Variants in TMEM132C observed in about 807,000 individuals in gnomAD.
The protein encoded by TMEM132C is protein phosphatase 1, regulatory subunit 152.
In TMEM132C, 29 loss-of-function variants were observed where a neutral mutation model predicts 61.4. That is an observed-to-expected ratio of 0.47 (90% CI 0.35 to 0.64). TMEM132C has a LOEUF of 0.64. Ranked by LOEUF, TMEM132C falls within the 30% of genes least tolerant of loss-of-function variation. The pLI is 0.00. For missense variants in TMEM132C, 1,408 were observed against 1,476.9 expected (o/e 0.95, Z 0.76); for synonymous variants, 656 against 633.1 (o/e 1.04, Z -0.54).
At chr12:128,616,365 G>A (rs960311166) in intron 4 of TMEM132C, 30 bp downstream of exon 4, 1 of 1,531,972 alleles carries the variant, frequency 6.5e-7, no homozygotes, top group African/African-American at 1.4e-5. Context: ...GGATGCTCCT[G>A]CATTCAGCCA....
At chr12:128,309,266 C>T (rs937172740) in intron 1 of TMEM132C, among the ~76,000 whole-genome samples, 7 of 152,200 alleles carry the variant, frequency 4.6e-5, no homozygotes, top group Non-Finnish European at 1.0e-4. Context: ...CTTCTTAGCT[C>T]TATGACACTT....
At chr12:128,602,803 G>A (rs912751181) in intron 3 of TMEM132C, among the ~76,000 whole-genome samples, 1 of 152,194 alleles carries the variant, frequency 6.6e-6, no homozygotes, top group Non-Finnish European at 1.5e-5. Flanking sequence ...GGCTTCCTCT[G>A]AGTTCCTCTC....
intron 2 of TMEM132C, among the ~76,000 whole-genome samples, chr12:128,420,088 T>G (rs550752963): frequency 6.6e-6 from 1 of 152,006 alleles, no homozygotes; most frequent in South Asian, 2.1e-4. Context: ...CCCAGCTACT[T>G]GGGAGGCTGA....
chr12:128,516,127 C>T lies in TMEM132C; in HGVS notation c.975-27830C>T, dbSNP rs927635819. On this transcript the variant is annotated intron_variant, in intron 2 of 8. Transcript: ENST00000435159. ...AACAAGTAGGGTCCGCACTGAGACC[C>T]TTCCTCCTCTTTTCACTGGATTTAA... Among the ~76,000 whole-genome samples the T allele has an allele frequency of 6.7e-4, 102 of 152,140 alleles. 4 individuals are homozygous for T. The highest frequency in any genetic ancestry group is 5.9e-5 in the Non-Finnish European group (4 of 68,028).
chr12:128,542,722 G>A (rs1873800724), intron 2 of TMEM132C, among the ~76,000 whole-genome samples: 1 of 120,180 alleles, frequency 8.3e-6, no homozygotes, highest in Admixed American at 7.9e-5. Flanking sequence ...GTAGCCGGGC[G>A]TGGTGGCAGG....
intron 5 of TMEM132C, among the ~76,000 whole-genome samples, chr12:128,687,359 C>A (rs555966986): frequency 6.6e-6 from 1 of 152,192 alleles, no homozygotes; most frequent in Admixed American, 6.5e-5. Flanking sequence ...ATGTTGAGTA[C>A]CATCATCCCT....
chr12:128,332,199 G>T (rs1030183586), intron 1 of TMEM132C, among the ~76,000 whole-genome samples: 3 of 152,194 alleles, frequency 2.0e-5, no homozygotes, highest in African/African-American at 7.2e-5. Context: ...TCGGGGAGAT[G>T]ATTTAAAATG....
rs529517674 is a variant in TMEM132C, at chr12:128,268,067, G to T, written c.85+580G>T. 1.1e-3 allele frequency among the ~76,000 whole-genome samples: 163 copies of T among 152,294 alleles called. 1 individual carries two copies. Among genetic ancestry groups the T allele is most frequent in the African/African-American group, 3.6e-3 (150 of 41,580 alleles). On this transcript the variant is annotated intron_variant, in intron 1 of 8. Coordinates refer to ENST00000435159, the MANE Select transcript of TMEM132C (RefSeq NM_001136103.3). ...GCAGCTCACCAGGGACCCCAGCTTGGCAGAAACCAGGGGCTCTCTGCGGGT... is the reference window on the plus strand; with the variant it reads ...GCAGCTCACCAGGGACCCCAGCTTGTCAGAAACCAGGGGCTCTCTGCGGGT...
rs544909074 is a variant in TMEM132C at position 128,641,316 on chromosome 12, G to T, written c.1305+24981G>T. ...CCCCAGTGTCCCTGTGAGATCTGGA[G>T]TGGGTTGGGTTGTGTCCCTCAAAGA... is the stretch of plus-strand genomic sequence containing the variant. On this transcript the variant is annotated intron_variant, in intron 4 of 8. Transcript: ENST00000435159. Among the ~76,000 whole-genome samples, 466 of 152,330 alleles carry T rather than the reference G, an allele frequency of 3.1e-3. 3 individuals carry two copies. Among genetic ancestry groups the T allele is most frequent in the African/African-American group, 0.011 (453 of 41,580 alleles).
intron 5 of TMEM132C, among the ~76,000 whole-genome samples, chr12:128,671,708 A>T (rs923613125): frequency 6.6e-6 from 1 of 152,204 alleles, no homozygotes; most frequent in East Asian, 1.9e-4. Context: ...TCACACAGCG[A>T]CGTCCACACT....
chr12:128,622,401 A>ATATATATAT (rs1565994613), intron 4 of TMEM132C, among the ~76,000 whole-genome samples: 21 of 131,650 alleles, frequency 1.6e-4, no homozygotes, highest in South Asian at 2.6e-4. Context: ...ATATATATAT[A>ATATATATAT]ACCAGGAAAC....
At chr12:128,654,703 C>T (rs1593136288) in intron 4 of TMEM132C, among the ~76,000 whole-genome samples, 1 of 152,294 alleles carries the variant, frequency 6.6e-6, no homozygotes, top group Non-Finnish European at 1.5e-5. Flanking sequence ...TACTCTGCTA[C>T]AGAATGCTGG....
intron 4 of TMEM132C, among the ~76,000 whole-genome samples, chr12:128,639,242 GTGA>G (rs1202203750): frequency 1.7e-5 from 2 of 116,664 alleles, no homozygotes; most frequent in Non-Finnish European, 3.6e-5. Context: ...GATGATGATG[GTGA>G]TAATGATGAT....
At chr12:128,499,619 G>T (rs185834181) in intron 2 of TMEM132C, among the ~76,000 whole-genome samples, 1 of 151,978 alleles carries the variant, frequency 6.6e-6, no homozygotes, top group African/African-American at 2.4e-5. Context: ...AAGCTCCCAC[G>T]TATGAATGAG....
At chr12:128,683,080 G>A (rs1954648082) in intron 5 of TMEM132C, among the ~76,000 whole-genome samples, 1 of 152,182 alleles carries the variant, frequency 6.6e-6, no homozygotes. Flanking sequence ...TGGGGCAGGA[G>A]CTGCGGGAGA....
At chr12:128,407,383 A>G (rs1403074966) in intron 1 of TMEM132C, among the ~76,000 whole-genome samples, 2 of 152,168 alleles carry the variant, frequency 1.3e-5, no homozygotes, top group African/African-American at 2.4e-5. Flanking sequence ...GTATTTCTTC[A>G]TAGCAGTATG....
In TMEM132C at chr12:128,326,813, TAAC is replaced by T. The variant is rs1310997277; in HGVS notation, c.85+59330_85+59332del. Among the ~76,000 whole-genome samples the T allele has an allele frequency of 2.9e-5, 4 of 140,232 alleles. No individual in the cohort carries two copies. Among genetic ancestry groups the T allele is most frequent in the Non-Finnish European group, 5.9e-5 (4 of 67,974 alleles). The allele number at this position is 140,232 out of a possible 152,430, so 92.0% of individuals were successfully genotyped here. A position where few individuals can be genotyped will look rare whatever the true frequency, so the allele number is the denominator to read the frequency against. ...TTCACAATATTTTTTTTTTCTTTCT[TAAC>T]AACGTAGTAAAACAGCACTCAGGAA... On this transcript the variant is annotated intron_variant, in intron 1 of 8. Transcript: ENST00000435159. This position sits in a 1 kb window ranked among gnomAD's most constrained non-coding sequence, Gnocchi z 5.6.
At chr12:128,597,208 A>C (rs10047597) in intron 3 of TMEM132C, among the ~76,000 whole-genome samples, 6,772 of 152,250 alleles carry the variant, frequency 0.044, 469 homozygotes, top group African/African-American at 0.15. Flanking sequence ...GGACATGCAC[A>C]GTGGGTCACG....
chr12:128,593,291 C>A (rs180891012), intron 3 of TMEM132C, among the ~76,000 whole-genome samples: 1 of 148,942 alleles, frequency 6.7e-6, no homozygotes, highest in Non-Finnish European at 1.5e-5. Context: ...TCTCCATTTT[C>A]CTTTTCCCTC....
Sources: gnomAD v4.1 joint callset for allele counts (sites outside exome capture counted in the v4.1 genomes callset) on GRCh38, gnomAD v4.1.1 for gene constraint, Gnocchi (gnomAD v3.1) non-coding constraint, MANE v1.5 for transcripts, NCBI Gene and HGNC (gene_info 2026-07-23, HGNC 2026-07-21) for gene names.